ADGRB2: variants seen among roughly 807,000 people sequenced by gnomAD.
ADGRB2 encodes adhesion G protein-coupled receptor B2, also known as brain-specific angiogenesis inhibitor 2.
A neutral mutation model predicts 178.7 loss-of-function variants in ADGRB2; 47 were observed. The observed-to-expected ratio is 0.26, with a 90% CI of 0.21 to 0.34. The LOEUF is 0.34. Ranked by LOEUF, ADGRB2 falls within the 10% of genes least tolerant of loss-of-function variation. The pLI, the probability that ADGRB2 is intolerant of heterozygous loss-of-function variation, is 1.00. For missense variants in ADGRB2, 1,584 were observed against 2,180.8 expected, an observed-to-expected ratio of 0.73 and a Z score of 5.45; for synonymous variants, 870 against 912.4, an observed-to-expected ratio of 0.95 and a Z score of 0.84.
chr1:31,744,044 G>T lies in ADGRB2; in HGVS notation c.1087+149C>A. ...CCAGTGCCCTGCACCGGGCTGGCAT[G>T]GTACGCAGAGTTGGGCATGGTGTGG... On this transcript the variant is annotated intron_variant, in intron 6 of 32. Coordinates refer to ENST00000373658, the MANE Select transcript of ADGRB2 (RefSeq NM_001364857.2). This position sits in a 1 kb window ranked among gnomAD's most constrained non-coding sequence, Gnocchi z 6.7. 2 of 1,078,336 alleles carry T rather than the reference G, an allele frequency of 1.9e-6. No individual in the cohort carries two copies. The highest frequency in any genetic ancestry group is 2.6e-6 in the Non-Finnish European group (2 of 766,700). 66.8% of individuals were successfully genotyped at this position (1,078,336 alleles called of 1,614,324 possible).
At position 31,735,668 on chromosome 1, in the gene ADGRB2, G is replaced by T; in HGVS notation, c.3268-3C>A. The T allele has an allele frequency of 6.3e-7, 1 of 1,594,444 alleles. No homozygotes were observed. The highest frequency in any genetic ancestry group is 1.7e-5 in the Admixed American group (1 of 59,264). ...ATGATTCCGATGAGCATGTTCACCT[G>T]GGGGCCCAGTAGAGTGGAGTGGGGG... On this transcript the variant is annotated splice_region_variant and splice_polypyrimidine_tract_variant and intron_variant, in intron 23 of 32. Transcript: ENST00000373658. The surrounding 1 kb of genome is among the most constrained non-coding windows in gnomAD (Gnocchi z 6.0).
chr1:31,741,789 T>C lies in ADGRB2; in HGVS notation c.1585+11A>G, dbSNP rs751486307. 3.8e-6 allele frequency: 6 copies of C among 1,595,766 alleles called. No homozygotes were observed. Among genetic ancestry groups the C allele is most frequent in the Admixed American group, 3.4e-5 (2 of 59,142 alleles). On this transcript the variant is annotated intron_variant, in intron 9 of 32. Transcript: ENST00000373658. The surrounding 1 kb of genome is among the most constrained non-coding windows in gnomAD (Gnocchi z 6.5). ...TGGGGCCCCCAGCCCCCAGGGTCATTAGGGCAGTACCTGGACACCTCTTCT... is the reference window on the plus strand; with the variant it reads ...TGGGGCCCCCAGCCCCCAGGGTCATCAGGGCAGTACCTGGACACCTCTTCT...
In ADGRB2 at chr1:31,757,464, G is replaced by C. The variant is rs1646896317; in HGVS notation, c.-143C>G. On this transcript the variant is annotated 5_prime_UTR_variant, in exon 2 of 33. Coordinates refer to ENST00000373658, the MANE Select transcript of ADGRB2 (RefSeq NM_001364857.2). ...CGCACAACCTGAGCCATGCCCACAG[G>C]AGGGCACTGTCAGTGTGGACGTCAC... 1.7e-6 allele frequency: 1 copy of C among 572,662 alleles called. No homozygotes were observed. The highest frequency in any genetic ancestry group is 1.9e-5 in the African/African-American group (1 of 53,316). 35.5% of individuals were successfully genotyped at this position (572,662 alleles called of 1,614,324 possible).
Position 31,733,217 on chromosome 1 carries a change from C to T in ADGRB2, c.3453-74G>A. On this transcript the variant is annotated intron_variant, in intron 25 of 32. Transcript: ENST00000373658. This position sits in a 1 kb window ranked among gnomAD's most constrained non-coding sequence, Gnocchi z 4.3. ...GATGGCTTGAGCCTAGGCCTCCACT[C>T]AGCTGGAGCTCTTCAGCTGCCCAAG... The T allele has an allele frequency of 1.3e-6, 2 of 1,483,000 alleles. No homozygotes were observed. The highest frequency in any genetic ancestry group is 1.8e-6 in the Non-Finnish European group (2 of 1,101,892). 91.9% of individuals were successfully genotyped at this position (1,483,000 alleles called of 1,614,324 possible).
At chr1:31,763,794 C>A (rs945713360) in intron 1 of ADGRB2, 90 bp downstream of exon 1, 1 of 984,962 alleles carries the variant, frequency 1.0e-6, no homozygotes, top group African/African-American at 1.7e-5. Flanking sequence ...GTTAGGAGAG[C>A]GCCCCGAGTC....
intron 6 of ADGRB2, among the ~76,000 whole-genome samples, chr1:31,743,885 CGCAA>C (rs1646125198): frequency 6.6e-6 from 1 of 152,186 alleles, no homozygotes; most frequent in Non-Finnish European, 1.5e-5. Flanking sequence ...TGGGAAAGTG[CGCAA>C]GCTACTGATA....
At position 31,733,498 on chromosome 1, in the gene ADGRB2, G is replaced by A. The variant is rs10798888; in HGVS notation, c.3453-355C>T. Among the ~76,000 whole-genome samples the A allele has an allele frequency of 6.6e-6, 1 of 152,016 alleles. No individual in the cohort carries two copies. The highest frequency in any genetic ancestry group is 2.1e-4 in the South Asian group (1 of 4,820). ...GAGCTTTTTAAAAATGCACGGGGCC[G>A]GGACGGCATCCCCAGAGCCTAACTG... On this transcript the variant is annotated intron_variant, in intron 25 of 32. Transcript: ENST00000373658. The surrounding 1 kb of genome is among the most constrained non-coding windows in gnomAD (Gnocchi z 4.3).
rs981832907 is a variant in ADGRB2 at position 31,758,598 on chromosome 1, A to C, written c.-190-1087T>G. ...AGCTCCCCACTGCTCCAGATCCCAC[A>C]TCCCTTCATGCTGCACCTCCAAGCC... On this transcript the variant is annotated intron_variant, in intron 1 of 32. Coordinates refer to ENST00000373658, the MANE Select transcript of ADGRB2 (RefSeq NM_001364857.2). The surrounding 1 kb of genome is among the most constrained non-coding windows in gnomAD (Gnocchi z 4.2). 1.9e-5 allele frequency: 3 copies of C among 153,994 alleles called. No individual in the cohort carries two copies. Among genetic ancestry groups the C allele is most frequent in the Non-Finnish European group, 2.9e-5 (2 of 68,404 alleles). The allele number at this position is 153,994 out of a possible 1,614,324, so 9.5% of individuals were successfully genotyped here.
intron 4 of ADGRB2, among the ~76,000 whole-genome samples, chr1:31,751,813 T>G (rs1294380581): frequency 1.3e-5 from 2 of 152,220 alleles, no homozygotes; most frequent in Admixed American, 6.5e-5. Context: ...CCTTTGTGGT[T>G]TAATCCCTTA....
In ADGRB2 at chr1:31,744,724, C is replaced by T. The variant is rs775096993; in HGVS notation, c.846G>A (p.Glu282=). ...LFTTEMRYGE[E]PEEEPKVKTQ... ...TTTTCACTTTCGGTTCCTCTTCCGG[C>T]TCCTCACCTGGAACACGGAGGTGGT... Residue 282 remains glutamate (E), a synonymous_variant, in exon 5 of 33, where the codon GAG becomes GAA. Transcript: ENST00000373658. This position sits in a 1 kb window ranked among gnomAD's most constrained non-coding sequence, Gnocchi z 6.7. 7.4e-6 allele frequency: 12 copies of T among 1,614,102 alleles called. No individual in the cohort carries two copies. In the East Asian group the frequency reaches 2.7e-4, roughly 36 times the overall value.
rs370901752 is a variant in ADGRB2, at chr1:31,756,754, C to T, written c.83G>A (p.Arg28His). The part of the protein sequence containing the change: ...PLLLSVILSL[R>H]LATAFDPAPS... ...GGCGGGGTCGAAGGCGGTGGCCAGG[C>T]GCAGGGACAGAATCACAGACAGTAA... The change falls in exon 4 of 33, where the codon CGC (arginine) becomes CAC (histidine). Residue 28 changes from arginine (R) to histidine (H), a missense_variant. Coordinates refer to ENST00000373658, the MANE Select transcript of ADGRB2 (RefSeq NM_001364857.2). The surrounding 1 kb of genome is among the most constrained non-coding windows in gnomAD (Gnocchi z 8.5). 1.8e-5 allele frequency: 28 copies of T among 1,550,150 alleles called. No homozygotes were observed. The highest frequency in any genetic ancestry group is 1.5e-4 in the African/African-American group (11 of 73,922).
Position 31,744,570 on chromosome 1 carries a change from C to A in ADGRB2, c.922+78G>T, listed in dbSNP as rs1646175775. 2 of 1,537,296 alleles carry A rather than the reference C, an allele frequency of 1.3e-6. No homozygotes were observed. Among genetic ancestry groups the A allele is most frequent in the African/African-American group, 1.4e-5 (1 of 72,912 alleles). ...GAACTGCAGGACAGAGACAGACAGG[C>A]ACACACCAAGCACACACACCACCAG... is the stretch of plus-strand genomic sequence containing the variant. On this transcript the variant is annotated intron_variant, in intron 5 of 32. Transcript: ENST00000373658. This position sits in a 1 kb window ranked among gnomAD's most constrained non-coding sequence, Gnocchi z 6.7.
Position 31,739,955 on chromosome 1 carries a change from T to C in ADGRB2, c.2138A>G (p.Gln713Arg). Reference protein sequence around the residue: ...HLVGDALKAFQSSLIVTDNLV... With the variant: ...HLVGDALKAFRSSLIVTDNLV... ...ATTATCTGTGACAATCAGAGAGCTC[T>C]GGAAGGCCTTGAGAGCATCGCCCAC... The change falls in exon 14 of 33, where the codon CAG (glutamine) becomes CGG (arginine). Residue 713 changes from glutamine to arginine, a missense_variant. By Grantham distance (43) the Gln-to-Arg change is conservative. Transcript: ENST00000373658. 1 of 1,614,106 alleles carries C rather than the reference T, an allele frequency of 6.2e-7. No individual in the cohort carries two copies. The highest frequency in any genetic ancestry group is 8.5e-7 in the Non-Finnish European group (1 of 1,179,986).
intron 2 of ADGRB2, 49 bp downstream of exon 2, chr1:31,757,333 A>T: frequency 7.5e-7 from 1 of 1,325,586 alleles, no homozygotes; most frequent in Non-Finnish European, 1.1e-6. Context: ...CTTTTTTATA[A>T]ATTAGAGCAA....
Position 31,756,206 on chromosome 1 carries a change from C to CGCG in ADGRB2, c.628_630dup (p.Arg210dup). On this transcript the variant is annotated inframe_insertion, in exon 4 of 33. Transcript: ENST00000373658. The surrounding 1 kb of genome is among the most constrained non-coding windows in gnomAD (Gnocchi z 8.5). ...GCAAAGCCGCAGGCCCTGCCGGCAG[C>CGCG]GCGGCCACACTCCTCACTCCAGCGG... The CGCG allele has an allele frequency of 6.2e-7, 1 of 1,613,526 alleles. No individual in the cohort carries two copies. The highest frequency in any genetic ancestry group is 1.1e-5 in the South Asian group (1 of 91,080).
rs763569956 is a variant in ADGRB2 at position 31,735,546 on chromosome 1, C to T, written c.3353+34G>A. 2 of 1,606,576 alleles carry T rather than the reference C, an allele frequency of 1.2e-6. No homozygotes were observed. Among genetic ancestry groups the T allele is most frequent in the African/African-American group, 2.7e-5 (2 of 74,704 alleles). On this transcript the variant is annotated intron_variant, in intron 24 of 32. Coordinates refer to ENST00000373658, the MANE Select transcript of ADGRB2 (RefSeq NM_001364857.2). The surrounding 1 kb of genome is among the most constrained non-coding windows in gnomAD (Gnocchi z 6.0). ...TGTCCCTCCCTCCCTGCACCATTTC[C>T]AGAAAGGCCAAGTCTCAGAGGCCCC...
chr1:31,742,788 C>T (rs1448295385), intron 7 of ADGRB2, 50 bp downstream of exon 7: 1 of 1,370,610 alleles, frequency 7.3e-7, no homozygotes, highest in East Asian at 3.0e-5. Flanking sequence ...TCTCCCGACC[C>T]CCCACCGGGC....
intron 29 of ADGRB2, among the ~76,000 whole-genome samples, chr1:31,730,048 C>T (rs1645198397): frequency 6.6e-6 from 1 of 152,246 alleles, no homozygotes; most frequent in Non-Finnish European, 1.5e-5. Context: ...CTGTCCCTTT[C>T]CTTAACCACA....
At position 31,755,830 on chromosome 1, in the gene ADGRB2, G is replaced by A. The variant is rs1304413843; in HGVS notation, c.838+169C>T. Among the ~76,000 whole-genome samples, 1 of 152,090 alleles carries A rather than the reference G, an allele frequency of 6.6e-6. No homozygotes were observed. The highest frequency in any genetic ancestry group is 1.5e-5 in the Non-Finnish European group (1 of 68,016). ...GCCAGTCTGCAAACTCTTCAAGAGTGAGGTCTCACTGCCATGCATTTTGGT... is the reference window on the plus strand; with the variant it reads ...GCCAGTCTGCAAACTCTTCAAGAGTAAGGTCTCACTGCCATGCATTTTGGT... On this transcript the variant is annotated intron_variant, in intron 4 of 32. Transcript: ENST00000373658. This position sits in a 1 kb window ranked among gnomAD's most constrained non-coding sequence, Gnocchi z 5.1.
Sources: allele counts gnomAD v4.1 joint callset (sites outside exome capture counted in the v4.1 genomes callset), GRCh38; gene constraint gnomAD v4.1.1; non-coding constraint Gnocchi (gnomAD v3.1); transcripts MANE v1.5; gene names NCBI Gene and HGNC (gene_info 2026-07-23, HGNC 2026-07-21).